HEMK2: variants seen among roughly 807,000 people sequenced by gnomAD.
HEMK2 encodes the protein HemK methyltransferase 2, ETF1 glutamine and histone H4 lysine, also known as methyltransferase HEMK2.
the HEMK2 span, among the ~76,000 whole-genome samples, chr21:28,681,663 A>G: frequency 6.6e-6 from 1 of 152,236 alleles, no homozygotes. Flanking sequence ...CTACAAGGCT[A>G]TAGTAACCAA....
the HEMK2 span, among the ~76,000 whole-genome samples, chr21:28,866,303 T>C: frequency 1.4e-5 from 2 of 145,294 alleles, no homozygotes; most frequent in South Asian, 4.6e-4. Flanking sequence ...ATCACAATAC[T>C]GCACTCCAGC....
the HEMK2 span, among the ~76,000 whole-genome samples, chr21:28,802,563 A>G: frequency 6.6e-6 from 1 of 152,026 alleles, no homozygotes; most frequent in Non-Finnish European, 1.5e-5. Context: ...CCCCGTCTCT[A>G]CTAAAAAAAA....
At chr21:28,635,101 C>CTTTTTTTTTTT in the HEMK2 span, among the ~76,000 whole-genome samples, 3 of 142,902 alleles carry the variant, frequency 2.1e-5, no homozygotes, top group Non-Finnish European at 3.0e-5. Flanking sequence ...ATGTCCTCAT[C>CTTTTTTTTTTT]TTTTTTTTTT....
chr21:28,675,294 T>C, the HEMK2 span, among the ~76,000 whole-genome samples: 1 of 152,120 alleles, frequency 6.6e-6, no homozygotes, highest in Non-Finnish European at 1.5e-5. Flanking sequence ...AAATGAAAAA[T>C]GGATCAATCC....
chr21:28,781,128 T>C, the HEMK2 span, among the ~76,000 whole-genome samples: 1 of 152,336 alleles, frequency 6.6e-6, no homozygotes, highest in Non-Finnish European at 1.5e-5. Flanking sequence ...CTCAAGTTGC[T>C]TAGAGTACAT....
the HEMK2 span, chr21:28,876,414 G>C: frequency 6.2e-7 from 1 of 1,611,158 alleles, no homozygotes; most frequent in African/African-American, 1.3e-5. Context: ...AGGACTGAAA[G>C]AGTTTCTTGG....
chr21:28,618,702 T>G, the HEMK2 span, among the ~76,000 whole-genome samples: 1 of 152,306 alleles, frequency 6.6e-6, no homozygotes, highest in Non-Finnish European at 1.5e-5. Flanking sequence ...CTCCTATAAC[T>G]CATCCTTGCA....
the HEMK2 span, among the ~76,000 whole-genome samples, chr21:28,630,695 C>A: frequency 6.8e-6 from 1 of 146,582 alleles, no homozygotes; most frequent in African/African-American, 2.5e-5. Flanking sequence ...AACCAAACAC[C>A]ACATGTTCTC....
At chr21:28,708,619 G>C in the HEMK2 span, among the ~76,000 whole-genome samples, 1 of 152,156 alleles carries the variant, frequency 6.6e-6, no homozygotes, top group Non-Finnish European at 1.5e-5. Context: ...ATTATGGTGT[G>C]GTTTGAAAGA....
the HEMK2 span, among the ~76,000 whole-genome samples, chr21:28,680,320 C>A: frequency 3.3e-5 from 5 of 152,152 alleles, no homozygotes; most frequent in Non-Finnish European, 7.4e-5. Flanking sequence ...ATAAATTCCT[C>A]GACACATACA....
At chr21:28,795,841 A>C in the HEMK2 span, among the ~76,000 whole-genome samples, 1 of 152,232 alleles carries the variant, frequency 6.6e-6, no homozygotes, top group Non-Finnish European at 1.5e-5. Flanking sequence ...TATGATAATT[A>C]ATTATCCTAA....
the HEMK2 span, among the ~76,000 whole-genome samples, chr21:28,782,421 G>A: frequency 7.6e-3 from 1,164 of 152,242 alleles, 14 homozygotes; most frequent in African/African-American, 0.027. Flanking sequence ...CTAGCTAAAT[G>A]CAATAAATCC....
At chr21:28,611,097 C>T in the HEMK2 span, among the ~76,000 whole-genome samples, 1 of 152,184 alleles carries the variant, frequency 6.6e-6, no homozygotes, top group Non-Finnish European at 1.5e-5. Context: ...GCAGAATTTA[C>T]ATTCTATCCA....
At chr21:28,734,301 C>T in the HEMK2 span, among the ~76,000 whole-genome samples, 1 of 152,182 alleles carries the variant, frequency 6.6e-6, no homozygotes, top group Non-Finnish European at 1.5e-5. Flanking sequence ...ACGTTTTAAA[C>T]TCTGACAGCA....
the HEMK2 span, among the ~76,000 whole-genome samples, chr21:28,764,606 C>T: frequency 2.0e-5 from 3 of 152,122 alleles, no homozygotes; most frequent in Non-Finnish European, 2.9e-5. Context: ...CAGTTGCACT[C>T]AGCATCTTCA....
chr21:28,659,873 T>TA, the HEMK2 span, among the ~76,000 whole-genome samples: 1 of 152,168 alleles, frequency 6.6e-6, no homozygotes, highest in Admixed American at 6.5e-5. Context: ...TGCAAGCACA[T>TA]AAAAAAGTGC....
chr21:28,877,321 A>G, the HEMK2 span, among the ~76,000 whole-genome samples: 1 of 130,910 alleles, frequency 7.6e-6, no homozygotes, highest in Non-Finnish European at 1.7e-5. Context: ...AGAGAGAAAG[A>G]AAGAAAAAGA....
At chr21:28,825,870 T>C in the HEMK2 span, among the ~76,000 whole-genome samples, 1 of 152,176 alleles carries the variant, frequency 6.6e-6, no homozygotes, top group African/African-American at 2.4e-5. Context: ...ATTGTGCTCT[T>C]AGAAGACTAC....
At chr21:28,831,602 A>G in the HEMK2 span, among the ~76,000 whole-genome samples, 39 of 83,868 alleles carry the variant, frequency 4.7e-4, no homozygotes, top group African/African-American at 2.0e-3. Flanking sequence ...AAAGAAGGAA[A>G]GAAGGAAAGA....
Sources: allele counts gnomAD v4.1 joint callset (sites outside exome capture counted in the v4.1 genomes callset), GRCh38; gene constraint gnomAD v4.1.1; transcripts MANE v1.5; gene names NCBI Gene and HGNC (gene_info 2026-07-23, HGNC 2026-07-21).